RIN2: variants seen among roughly 807,000 people sequenced by gnomAD.
The protein encoded by RIN2 is RAB5 interacting protein 2.
In RIN2, 36 loss-of-function variants were observed where a neutral mutation model predicts 78.0. That is an observed-to-expected ratio of 0.46 (90% CI 0.35 to 0.61). The LOEUF is 0.61. Among genes scored for constraint, RIN2 ranks in the 20% least tolerant of loss-of-function variants. The pLI is 0.00. For synonymous variants in RIN2, 466 were observed against 466.8 expected, an observed-to-expected ratio of 1.00 and a Z score of 0.02; for missense variants, 1,087 against 1,159.7, an observed-to-expected ratio of 0.94 and a Z score of 0.91.
intron 6 of RIN2, among the ~76,000 whole-genome samples, chr20:19,962,938 G>A (rs559231626): frequency 1.3e-4 from 20 of 152,304 alleles, no homozygotes; most frequent in East Asian, 1.2e-3. Flanking sequence ...CAGCCTGGGC[G>A]ACAGAGTGAG....
intron 9 of RIN2, among the ~76,000 whole-genome samples, chr20:19,980,597 C>T (rs1242340997): frequency 1.3e-5 from 2 of 152,186 alleles, no homozygotes; most frequent in East Asian, 3.8e-4. Flanking sequence ...CAGGAAACCT[C>T]ACCAGGTAAA....
At chr20:19,808,449 G>A (rs558619232) in intron 2 of RIN2, among the ~76,000 whole-genome samples, 1 of 152,330 alleles carries the variant, frequency 6.6e-6, no homozygotes, top group African/African-American at 2.4e-5. Context: ...GTTGGGGCCT[G>A]GAGTGGCCTC....
chr20:19,876,793 TACTC>T lies in RIN2; in HGVS notation c.-36-12771_-36-12768del. ...GGTGGCGGGTGCGTGTAATTCCAGCTACTCAGGAGGCTGAGGCAGGAGAATCGCT... is the reference window on the plus strand; with the variant it reads ...GGTGGCGGGTGCGTGTAATTCCAGCTAGGAGGCTGAGGCAGGAGAATCGCT... On this transcript the variant is annotated intron_variant, in intron 2 of 12. Coordinates refer to ENST00000255006, the MANE Select transcript of RIN2 (RefSeq NM_018993.4). Among the ~76,000 whole-genome samples, 3 of 151,620 alleles carry T rather than the reference TACTC, an allele frequency of 2.0e-5. No homozygotes were observed. The South Asian group carries it at 6.3e-4, about 32-fold the overall frequency.
chr20:19,988,558 G>A (rs533208215), intron 9 of RIN2, among the ~76,000 whole-genome samples: 49 of 152,242 alleles, frequency 3.2e-4, no homozygotes, highest in African/African-American at 1.1e-3. Context: ...AAACGTGTGA[G>A]GTCAAAAAGC....
At chr20:19,901,934 C>T (rs1231844522) in intron 3 of RIN2, among the ~76,000 whole-genome samples, 1 of 147,590 alleles carries the variant, frequency 6.8e-6, no homozygotes, top group Non-Finnish European at 1.5e-5. Context: ...GAGAATCACT[C>T]GAACCCGGGA....
At position 19,832,894 on chromosome 20, in the gene RIN2, C is replaced by T. The variant is rs111893109; in HGVS notation, c.-37+33147C>T. On this transcript the variant is annotated intron_variant, in intron 2 of 12. Transcript: ENST00000255006. ...TCATGGCCTTCTCCCCTCCTAAGGG[C>T]CCCACCTCTTAACACTGTTGCACTG... Among the ~76,000 whole-genome samples, 97 of 152,244 alleles carry T rather than the reference C, an allele frequency of 6.4e-4. 1 individual carries two copies. Among genetic ancestry groups the T allele is most frequent in the African/African-American group, 2.1e-3 (87 of 41,536 alleles).
chr20:19,848,247 G>A (rs2036846960), intron 2 of RIN2, among the ~76,000 whole-genome samples: 1 of 152,024 alleles, frequency 6.6e-6, no homozygotes, highest in South Asian at 2.1e-4. Flanking sequence ...AAAAGAGCAG[G>A]GTCTCGGCCA....
chr20:19,993,929 T>G (rs1464173580), intron 11 of RIN2, among the ~76,000 whole-genome samples: 1 of 152,232 alleles, frequency 6.6e-6, no homozygotes, highest in East Asian at 1.9e-4. Flanking sequence ...ACACGCCGGT[T>G]TCACTTAGAA....
intron 1 of RIN2, among the ~76,000 whole-genome samples, chr20:19,767,159 TCAA>T (rs2033920608): frequency 6.6e-6 from 1 of 152,146 alleles, no homozygotes; most frequent in African/African-American, 2.4e-5. Flanking sequence ...ATGTTTAGGT[TCAA>T]CAAATATGGA....
intron 2 of RIN2, among the ~76,000 whole-genome samples, chr20:19,813,599 C>CTATGTTTAAAAA (rs2035671161): frequency 7.1e-6 from 1 of 141,616 alleles, no homozygotes. Context: ...AAGTAAAACA[C>CTATGTTTAAAAA]AATAAAAAAG....
At chr20:19,844,633 C>A (rs920656063) in intron 2 of RIN2, among the ~76,000 whole-genome samples, 2 of 130,910 alleles carry the variant, frequency 1.5e-5, no homozygotes, top group Non-Finnish European at 1.5e-5. Context: ...TCTTCTTCTT[C>A]TTCTTCTTCT....
At chr20:19,854,002 G>T (rs1025549459) in intron 2 of RIN2, among the ~76,000 whole-genome samples, 27 of 152,210 alleles carry the variant, frequency 1.8e-4, no homozygotes, top group African/African-American at 6.0e-4. Context: ...CTAGGGTTTT[G>T]ATGGTTTTAG....
At chr20:19,914,214 T>A (rs889156689) in intron 3 of RIN2, among the ~76,000 whole-genome samples, 2 of 152,218 alleles carry the variant, frequency 1.3e-5, no homozygotes, top group African/African-American at 2.4e-5. Context: ...TGTTTCTTAT[T>A]GTCTGTCTCA....
At chr20:19,857,535 T>C (rs1009804960) in intron 2 of RIN2, among the ~76,000 whole-genome samples, 6 of 152,206 alleles carry the variant, frequency 3.9e-5, no homozygotes, top group Non-Finnish European at 8.8e-5. Context: ...CAAGCATAGA[T>C]ATTAGTAGAT....
At chr20:19,843,746 G>T (rs902725851) in intron 2 of RIN2, among the ~76,000 whole-genome samples, 7 of 152,098 alleles carry the variant, frequency 4.6e-5, no homozygotes, top group African/African-American at 1.7e-4. Context: ...CCACCAGCAT[G>T]CGCGAATATC....
intron 2 of RIN2, among the ~76,000 whole-genome samples, chr20:19,883,889 TAAAAAA>T (rs140532587): frequency 7.0e-6 from 1 of 143,738 alleles, no homozygotes; most frequent in African/African-American, 2.5e-5. Flanking sequence ...ACCACCTTGT[TAAAAAA>T]AAAAAAAAAA....
chr20:19,770,098 A>G (rs2034055219), intron 1 of RIN2, among the ~76,000 whole-genome samples: 2 of 152,244 alleles, frequency 1.3e-5, no homozygotes, highest in Non-Finnish European at 2.9e-5. Context: ...TAATGAAGGT[A>G]TGAAAGGCTC....
intron 2 of RIN2, among the ~76,000 whole-genome samples, chr20:19,833,611 C>T (rs750510094): frequency 1.3e-5 from 2 of 152,208 alleles, no homozygotes; most frequent in Non-Finnish European, 2.9e-5. Flanking sequence ...GTTTTATGGT[C>T]TTACATGCAC....
intron 3 of RIN2, among the ~76,000 whole-genome samples, chr20:19,910,493 TTTC>T (rs1400945117): frequency 2.6e-5 from 4 of 151,622 alleles, no homozygotes; most frequent in Admixed American, 6.6e-5. Context: ...CTTTTTTCTT[TTTC>T]TTTTCTTCTT....
Sources: gnomAD v4.1 joint callset for allele counts (sites outside exome capture counted in the v4.1 genomes callset) on GRCh38, gnomAD v4.1.1 for gene constraint, MANE v1.5 for transcripts, NCBI Gene and HGNC (gene_info 2026-07-23, HGNC 2026-07-21) for gene names.